Variants in ARHGEF28 observed in about 807,000 individuals in gnomAD.
ARHGEF28 encodes Rho guanine nucleotide exchange factor 28, also known as 190 kDa guanine nucleotide exchange factor.
Under a neutral mutation model 206.6 loss-of-function variants are expected in ARHGEF28, and 152 were observed. That is an observed-to-expected ratio of 0.74 (90% CI 0.64 to 0.84). The LOEUF (loss-of-function observed/expected upper bound fraction) is 0.84. Ranked by LOEUF, ARHGEF28 falls within the 40% of genes least tolerant of loss-of-function variation. ARHGEF28 has a pLI of 0.00. For missense variants in ARHGEF28, 2,028 were observed against 2,073.2 expected (o/e 0.98, Z 0.42); for synonymous variants, 763 against 776.4 (o/e 0.98, Z 0.29).
intron 1 of ARHGEF28, among the ~76,000 whole-genome samples, chr5:73,678,290 AT>A (rs1561327701): frequency 6.6e-6 from 1 of 151,872 alleles, no homozygotes; most frequent in South Asian, 2.1e-4. Context: ...TGGTGACTTT[AT>A]TTTTTTTCAA....
In ARHGEF28 at chr5:73,909,739, C is replaced by T; in HGVS notation, c.4489C>T (p.Leu1497Phe). 1.3e-6 allele frequency: 2 copies of T among 1,515,650 alleles called. No individual in the cohort carries two copies. Among genetic ancestry groups the T allele is most frequent in the Non-Finnish European group, 1.8e-6 (2 of 1,131,484 alleles). 93.9% of individuals were successfully genotyped at this position (1,515,650 alleles called of 1,614,324 possible). A position where few individuals can be genotyped will look rare whatever the true frequency, so the allele number is the denominator to read the frequency against. The change falls in exon 34 of 36, where the codon CTC becomes TTC. Residue 1497 changes from leucine to phenylalanine, a missense_variant. By Grantham distance (22) the Leu-to-Phe change is conservative. This residue lies in a region of ARHGEF28 where 803 missense variants were observed against 768.0 expected (regional missense o/e 1.05). Coordinates refer to ENST00000513042, the MANE Select transcript of ARHGEF28 (RefSeq NM_001177693.2). ...LRSRGELDLQ[L>F]QEYQHSLERL... ...GAGCCGGGGCGAGCTGGACCTCCAG[C>T]TCCAGGAGTACCAGCACAGCCTGGA...
At chr5:73,856,467 C>T (rs1759042092) in intron 14 of ARHGEF28, among the ~76,000 whole-genome samples, 1 of 152,010 alleles carries the variant, frequency 6.6e-6, no homozygotes, top group Non-Finnish European at 1.5e-5. Context: ...AGCTCTTAAG[C>T]CATGTATTTT....
chr5:73,904,220 A>G lies in ARHGEF28; in HGVS notation c.4075-2A>G, dbSNP rs761830385. On this transcript the variant is annotated splice_acceptor_variant, in intron 31 of 35. Coordinates refer to ENST00000513042, the MANE Select transcript of ARHGEF28 (RefSeq NM_001177693.2). LOFTEE classifies it high-confidence loss of function. Reference sequence around the variant, plus strand: ...CATTTTCTTGTTTTTTATGTATTTTAGGTGGAATGTAGAAATTTTCCAGGT... The same window carrying G: ...CATTTTCTTGTTTTTTATGTATTTTGGGTGGAATGTAGAAATTTTCCAGGT... 16 of 1,613,538 alleles carry G rather than the reference A, an allele frequency of 9.9e-6. No homozygotes were observed. Among genetic ancestry groups the G allele is most frequent in the Non-Finnish European group, 1.4e-5 (16 of 1,179,638 alleles).
rs1482698033 is a variant in ARHGEF28, at chr5:73,806,725, C to T, written c.1024+11334C>T. Reference sequence around the variant, plus strand: ...TATATGTACCATATATACGATATATCGTATACATCTATATGTACCATATAT... The same window carrying T: ...TATATGTACCATATATACGATATATTGTATACATCTATATGTACCATATAT... On this transcript the variant is annotated intron_variant, in intron 9 of 35. Transcript: ENST00000513042. Among the ~76,000 whole-genome samples the T allele has an allele frequency of 5.0e-5, 7 of 140,774 alleles. No individual in the cohort carries two copies. In the East Asian group the frequency reaches 8.5e-4, roughly 17 times the overall value. The allele number at this position is 140,774 out of a possible 152,430, so 92.4% of individuals were successfully genotyped here.
chr5:73,798,861 G>A (rs1004043470), intron 9 of ARHGEF28, among the ~76,000 whole-genome samples: 1 of 152,010 alleles, frequency 6.6e-6, no homozygotes, highest in Non-Finnish European at 1.5e-5. Flanking sequence ...GCCAAGGTGG[G>A]TGGAACACTT....
At chr5:73,838,384 C>T (rs1579965905) in intron 10 of ARHGEF28, among the ~76,000 whole-genome samples, 1 of 152,114 alleles carries the variant, frequency 6.6e-6, no homozygotes, top group African/African-American at 2.4e-5. Context: ...CTTTATCTTC[C>T]TCAACCTGGC....
rs145892692 is a variant in ARHGEF28 at position 73,929,430 on chromosome 5, A to G, written c.4949-11414A>G. On this transcript the variant is annotated intron_variant, in intron 35 of 35. Coordinates refer to ENST00000513042, the MANE Select transcript of ARHGEF28 (RefSeq NM_001177693.2). Reference sequence around the variant, plus strand: ...CACCTAAGAAAAAGTTAATAATTCCATAATATCAACATATAGTCATATGTT... The same window carrying G: ...CACCTAAGAAAAAGTTAATAATTCCGTAATATCAACATATAGTCATATGTT... Among the ~76,000 whole-genome samples the G allele has an allele frequency of 5.9e-5, 9 of 152,336 alleles. No individual in the cohort carries two copies. In the East Asian group the frequency reaches 1.5e-3, roughly 26 times the overall value.
intron 2 of ARHGEF28, among the ~76,000 whole-genome samples, chr5:73,704,091 A>C (rs577946872): frequency 3.3e-5 from 5 of 152,018 alleles, no homozygotes; most frequent in Admixed American, 6.6e-5. Flanking sequence ...GGAATGGGGA[A>C]ATGGCATTTA....
chr5:73,631,916 T>C (rs1743391269), intron 1 of ARHGEF28, among the ~76,000 whole-genome samples: 1 of 152,152 alleles, frequency 6.6e-6, no homozygotes, highest in African/African-American at 2.4e-5. Flanking sequence ...TGCTTTCCCT[T>C]TTGAACTCCT....
At chr5:73,869,043 T>C (rs1332171727) in intron 20 of ARHGEF28, among the ~76,000 whole-genome samples, 1 of 152,034 alleles carries the variant, frequency 6.6e-6, no homozygotes, top group Non-Finnish European at 1.5e-5. Context: ...GAAAACCAAA[T>C]GGAAGGAGAG....
In ARHGEF28 at chr5:73,940,919, T is replaced by C. The variant is rs999461822; in HGVS notation, c.5024T>C (p.Ile1675Thr). 1 of 1,534,712 alleles carries C rather than the reference T, an allele frequency of 6.5e-7. No homozygotes were observed. Among genetic ancestry groups the C allele is most frequent in the African/African-American group, 1.4e-5 (1 of 72,950 alleles). Residue 1675 changes from isoleucine to threonine, a missense_variant, in exon 36 of 36, where the codon ATA becomes ACA. Physicochemically the swap from Ile to Thr is moderately conservative, Grantham distance 89. Around this residue, in one of 3 missense-constraint regions of ARHGEF28, gnomAD observed 803 missense variants for 768.0 expected, o/e 1.05. Coordinates refer to ENST00000513042, the MANE Select transcript of ARHGEF28 (RefSeq NM_001177693.2). The part of the protein sequence containing the change: ...NSHRPQLQAF[I>T]TEAKLNLPTR... ...CACCGCCCTCAACTGCAGGCGTTTA[T>C]AACAGAAGCAAAGCTAAATCTACCG...
At chr5:73,680,606 C>G (rs971170233) in intron 1 of ARHGEF28, among the ~76,000 whole-genome samples, 21 of 151,756 alleles carry the variant, frequency 1.4e-4, no homozygotes, top group Non-Finnish European at 2.2e-4. Context: ...TCAGAAATCA[C>G]CACTAAAGAA....
intron 9 of ARHGEF28, among the ~76,000 whole-genome samples, chr5:73,813,152 A>T (rs1303748708): frequency 6.6e-6 from 1 of 152,008 alleles, no homozygotes; most frequent in East Asian, 1.9e-4. Flanking sequence ...CAATATTCTC[A>T]CTCCGAGCAA....
intron 1 of ARHGEF28, among the ~76,000 whole-genome samples, chr5:73,628,015 G>T (rs2112108099): frequency 7.0e-6 from 1 of 142,098 alleles, no homozygotes; most frequent in East Asian, 1.9e-4. Flanking sequence ...ACACTTAAAG[G>T]TAAAGAAGAA....
chr5:73,819,892 T>G (rs1756462455), intron 9 of ARHGEF28, among the ~76,000 whole-genome samples: 1 of 152,240 alleles, frequency 6.6e-6, no homozygotes, highest in East Asian at 1.9e-4. Context: ...CCAGGAGGCA[T>G]TCTCTGAATT....
chr5:73,642,761 G>T (rs1744199420), intron 1 of ARHGEF28, among the ~76,000 whole-genome samples: 1 of 152,092 alleles, frequency 6.6e-6, no homozygotes, highest in Admixed American at 6.5e-5. Context: ...TATCTGCAAA[G>T]AATTTAAAAA....
intron 2 of ARHGEF28, among the ~76,000 whole-genome samples, chr5:73,712,566 G>A (rs996756387): frequency 6.6e-6 from 1 of 152,292 alleles, no homozygotes; most frequent in East Asian, 1.9e-4. Flanking sequence ...TCTGCAAAGG[G>A]TAGTGTTTAA....
At chr5:73,711,339 CAAGTT>C (rs1749233109) in intron 2 of ARHGEF28, among the ~76,000 whole-genome samples, 1 of 152,024 alleles carries the variant, frequency 6.6e-6, no homozygotes, top group South Asian at 2.1e-4. Flanking sequence ...ATTTTATAAT[CAAGTT>C]AACTATATAT....
intron 2 of ARHGEF28, among the ~76,000 whole-genome samples, chr5:73,691,037 C>A (rs1461562688): frequency 1.3e-5 from 2 of 151,976 alleles, no homozygotes; most frequent in East Asian, 3.9e-4. Flanking sequence ...TCAAGCAATC[C>A]TCCTGCCTCA....
Sources: allele counts gnomAD v4.1 joint callset (sites outside exome capture counted in the v4.1 genomes callset), GRCh38; gene constraint gnomAD v4.1.1; regional missense constraint gnomAD v4.1.1; transcripts MANE v1.5; gene names NCBI Gene and HGNC (gene_info 2026-07-23, HGNC 2026-07-21).